The following GTF2F2 variants were observed in gnomAD, a reference collection of about 807,000 sequenced individuals.
GTF2F2 encodes general transcription factor IIF subunit 2.
GTF2F2 carries 23 observed loss-of-function variants against 42.2 expected under a neutral mutation model. The observed-to-expected ratio is 0.55, with a 90% CI of 0.39 to 0.77. The LOEUF (loss-of-function observed/expected upper bound fraction) is 0.77. Among genes scored for constraint, GTF2F2 ranks in the 30% least tolerant of loss-of-function variants. The pLI is 0.00. For synonymous variants in GTF2F2, 105 were observed against 100.8 expected (o/e 1.04, Z -0.25); for missense variants, 261 against 287.2 (o/e 0.91, Z 0.66).
chr13:45,213,812 G>A (rs1035543635), intron 5 of GTF2F2, among the ~76,000 whole-genome samples: 2 of 151,996 alleles, frequency 1.3e-5, no homozygotes, highest in Non-Finnish European at 2.9e-5. Context: ...TTGAAACCTG[G>A]ACTTTATTTT....
At chr13:45,155,800 T>C (rs1870728536) in intron 4 of GTF2F2, among the ~76,000 whole-genome samples, 1 of 152,354 alleles carries the variant, frequency 6.6e-6, no homozygotes, top group East Asian at 1.9e-4. Flanking sequence ...AGCTCGCTTA[T>C]CCATTACCCT....
chr13:45,139,638 T>C (rs929805262), intron 2 of GTF2F2, among the ~76,000 whole-genome samples: 2 of 152,198 alleles, frequency 1.3e-5, no homozygotes, highest in African/African-American at 4.8e-5. Flanking sequence ...TTCACTGTTC[T>C]TTTGTGTTGT....
intron 5 of GTF2F2, among the ~76,000 whole-genome samples, chr13:45,209,053 C>A (rs990271135): frequency 1.6e-4 from 25 of 152,122 alleles, no homozygotes; most frequent in African/African-American, 6.0e-4. Flanking sequence ...CTAAAGATTT[C>A]TGATGATGAG....
In GTF2F2 at chr13:45,276,829, G is replaced by A. The variant is rs796337714; in HGVS notation, c.631-6613G>A. 1.4e-4 allele frequency among the ~76,000 whole-genome samples: 21 copies of A among 152,356 alleles called. 1 individual carries two copies. Among genetic ancestry groups the A allele is most frequent in the African/African-American group, 5.1e-4 (21 of 41,582 alleles). On this transcript the variant is annotated intron_variant, in intron 7 of 7. Transcript: ENST00000340473. ...TTGTTTACCTGAAATATTCAAGCATGTGAAGCATTTGTCAGTGCTGGATAG... is the reference window on the plus strand; with the variant it reads ...TTGTTTACCTGAAATATTCAAGCATATGAAGCATTTGTCAGTGCTGGATAG...
At chr13:45,179,670 C>G (rs1872052488) in intron 4 of GTF2F2, among the ~76,000 whole-genome samples, 1 of 152,172 alleles carries the variant, frequency 6.6e-6, no homozygotes, top group Non-Finnish European at 1.5e-5. Flanking sequence ...TGTATTGGCT[C>G]ATGACCACAG....
At chr13:45,150,920 TATA>T (rs1870459344) in intron 3 of GTF2F2, among the ~76,000 whole-genome samples, 1 of 152,184 alleles carries the variant, frequency 6.6e-6, no homozygotes, top group Non-Finnish European at 1.5e-5. Flanking sequence ...TGTCTTTTTT[TATA>T]ATGATAGATT....
chr13:45,165,402 A>T (rs979072110), intron 4 of GTF2F2, among the ~76,000 whole-genome samples: 1 of 149,858 alleles, frequency 6.7e-6, no homozygotes, highest in Admixed American at 6.7e-5. Flanking sequence ...ATCTCAGCTT[A>T]ATTTAATTCT....
chr13:45,238,597 G>A (rs149593120), intron 5 of GTF2F2, among the ~76,000 whole-genome samples: 5 of 152,062 alleles, frequency 3.3e-5, no homozygotes, highest in East Asian at 1.9e-4. Context: ...GAGATGAAAA[G>A]CAGTTTACTT....
At chr13:45,176,925 A>T (rs769125491) in intron 4 of GTF2F2, among the ~76,000 whole-genome samples, 1 of 152,126 alleles carries the variant, frequency 6.6e-6, no homozygotes, top group African/African-American at 2.4e-5. Context: ...AGCCGGGATT[A>T]TAGGTGCCCG....
intron 2 of GTF2F2, among the ~76,000 whole-genome samples, chr13:45,138,734 C>T (rs1417090737): frequency 6.6e-6 from 1 of 152,172 alleles, no homozygotes; most frequent in African/African-American, 2.4e-5. Flanking sequence ...TATCCTCTGC[C>T]TCCCGGGTTC....
At chr13:45,136,309 G>A (rs1869617061) in intron 1 of GTF2F2, among the ~76,000 whole-genome samples, 1 of 152,234 alleles carries the variant, frequency 6.6e-6, no homozygotes, top group South Asian at 2.1e-4. Context: ...CTTCTTCACA[G>A]TAGTCAAAGT....
chr13:45,159,802 G>T (rs771280418), intron 4 of GTF2F2, among the ~76,000 whole-genome samples: 4 of 152,168 alleles, frequency 2.6e-5, no homozygotes, highest in Non-Finnish European at 4.4e-5. Flanking sequence ...GGATTGTTGG[G>T]TGCTAATGGG....
chr13:45,229,280 C>T (rs754786899), intron 5 of GTF2F2, among the ~76,000 whole-genome samples: 27 of 152,032 alleles, frequency 1.8e-4, no homozygotes, highest in Non-Finnish European at 2.2e-4. Flanking sequence ...AATTTACCAC[C>T]CTTTTTTTTG....
At chr13:45,194,546 T>C in intron 4 of GTF2F2, 1 of 1,611,568 alleles carries the variant, frequency 6.2e-7, no homozygotes, top group Non-Finnish European at 8.5e-7. Context: ...TCTTTTTCTC[T>C]TCTGTTTATT....
At chr13:45,227,417 G>A (rs1231736082) in intron 5 of GTF2F2, among the ~76,000 whole-genome samples, 1 of 152,112 alleles carries the variant, frequency 6.6e-6, no homozygotes, top group Non-Finnish European at 1.5e-5. Context: ...AAGAACCTAG[G>A]TTATAAGGCT....
At chr13:45,193,641 A>T in intron 4 of GTF2F2, 1 of 676,094 alleles carries the variant, frequency 1.5e-6, no homozygotes, top group Non-Finnish European at 2.5e-6. Flanking sequence ...GATAGAATTT[A>T]CATACCGTTA....
intron 4 of GTF2F2, among the ~76,000 whole-genome samples, chr13:45,205,237 G>A (rs1279872447): frequency 2.6e-5 from 4 of 152,176 alleles, no homozygotes; most frequent in Admixed American, 2.6e-4. Context: ...TTACATTCAT[G>A]GTGGAAAGCA....
chr13:45,181,814 C>T (rs1345987893), intron 4 of GTF2F2, among the ~76,000 whole-genome samples: 9 of 152,036 alleles, frequency 5.9e-5, no homozygotes, highest in Non-Finnish European at 1.3e-4. Context: ...TTTTAAAAAA[C>T]TTTGTGAGCT....
At position 45,230,820 on chromosome 13, in the gene GTF2F2, T is replaced by A. The variant is rs1033695560; in HGVS notation, c.387-22051T>A. Among the ~76,000 whole-genome samples, 24 of 152,284 alleles carry A rather than the reference T, an allele frequency of 1.6e-4. No homozygotes were observed. The South Asian group carries it at 2.5e-3, about 16-fold the overall frequency. Reference sequence around the variant, plus strand: ...AAATGTAAGAATATCTTTTGTTAATTCCTACACGGTGTCAGCTAAAAGTTC... The same window carrying A: ...AAATGTAAGAATATCTTTTGTTAATACCTACACGGTGTCAGCTAAAAGTTC... On this transcript the variant is annotated intron_variant, in intron 5 of 7. Transcript: ENST00000340473.
Sources: allele counts gnomAD v4.1 joint callset (sites outside exome capture counted in the v4.1 genomes callset), GRCh38; gene constraint gnomAD v4.1.1; transcripts MANE v1.5; gene names NCBI Gene and HGNC (gene_info 2026-07-23, HGNC 2026-07-21).